STARD9: variants seen among roughly 807,000 people sequenced by gnomAD.
STARD9 encodes StAR related lipid transfer domain containing 9.
In STARD9, 346 loss-of-function variants were observed where a neutral mutation model predicts 399.8. The observed-to-expected ratio is 0.87, with a 90% CI of 0.79 to 0.95. The LOEUF (loss-of-function observed/expected upper bound fraction) is 0.95, where lower values mean the gene tolerates loss of function less well. Ranked by LOEUF, STARD9 falls within the 40% of genes least tolerant of loss-of-function variation. The pLI is 0.00. For missense variants in STARD9, 5,832 were observed against 5,667.5 expected, an observed-to-expected ratio of 1.03 and a Z score of -0.93; for synonymous variants, 2,203 against 2,143.5, an observed-to-expected ratio of 1.03 and a Z score of -0.77.
At chr15:42,654,086 A>G (rs2059817293) in intron 9 of STARD9, among the ~76,000 whole-genome samples, 3 of 152,220 alleles carry the variant, frequency 2.0e-5, no homozygotes, top group Non-Finnish European at 4.4e-5. Flanking sequence ...TTAAAAATCA[A>G]CATTTCTTCT....
At chr15:42,612,678 AGC>A (rs2058874618) in intron 3 of STARD9, among the ~76,000 whole-genome samples, 1 of 152,216 alleles carries the variant, frequency 6.6e-6, no homozygotes, top group Admixed American at 6.5e-5. Flanking sequence ...AGCAAAAAGA[AGC>A]ACTGACAGAA....
chr15:42,687,706 A>G lies in STARD9; in HGVS notation c.6128A>G (p.Asn2043Ser). 6.5e-7 allele frequency: 1 copy of G among 1,537,444 alleles called. No homozygotes were observed. Among genetic ancestry groups the G allele is most frequent in the Non-Finnish European group, 8.7e-7 (1 of 1,146,932 alleles). Residue 2043 changes from asparagine to serine, a missense_variant, in exon 23 of 33, where the codon AAT becomes AGT. Around this residue, in one of 2 missense-constraint regions of STARD9, gnomAD observed 5,828 missense variants for 5,651.1 expected, o/e 1.03. Transcript: ENST00000290607. ...AAGAAACAGAATAAAAGAGTTAATA[A>G]TACTGATGAAATGGCTAGGCTAATT... ...SGKKQNKRVNNTDEMARLIRS... is the reference protein window; with the variant it reads ...SGKKQNKRVNSTDEMARLIRS...
At chr15:42,674,260 G>T (rs959956761) in intron 16 of STARD9, among the ~76,000 whole-genome samples, 180 bp from the exon 17 acceptor site, 1 of 152,154 alleles carries the variant, frequency 6.6e-6, no homozygotes, top group African/African-American at 2.4e-5. Flanking sequence ...GAGTGAGTGG[G>T]CAGAGGGTCA....
chr15:42,621,844 C>G (rs1029412643), intron 3 of STARD9, among the ~76,000 whole-genome samples: 2 of 152,202 alleles, frequency 1.3e-5, no homozygotes, highest in African/African-American at 4.8e-5. Flanking sequence ...AAACCAAGTT[C>G]TGGGTGCTAG....
At chr15:42,696,625 G>T (rs567215039) in intron 26 of STARD9, among the ~76,000 whole-genome samples, 3 of 152,334 alleles carry the variant, frequency 2.0e-5, no homozygotes, top group African/African-American at 7.2e-5. Flanking sequence ...GGCAGGAGCA[G>T]CTGTGGGAGA....
intron 1 of STARD9, among the ~76,000 whole-genome samples, chr15:42,580,611 C>T (rs1419855795): frequency 2.0e-5 from 3 of 151,996 alleles, no homozygotes; most frequent in Non-Finnish European, 4.4e-5. Context: ...GTCAAGAGTT[C>T]GAGACCAGCC....
intron 26 of STARD9, 130 bp downstream of exon 26, chr15:42,696,010 C>T: frequency 1.1e-6 from 1 of 924,522 alleles, no homozygotes. Context: ...GACATGAGCC[C>T]TTCTTATGTG....
At chr15:42,576,301 G>A (rs1027209003) in intron 1 of STARD9, among the ~76,000 whole-genome samples, 66 of 152,308 alleles carry the variant, frequency 4.3e-4, no homozygotes, top group African/African-American at 1.5e-3. Context: ...GTTAAGTAGG[G>A]GAAGTTGTTC....
At chr15:42,622,463 GCTCAAGTGATC>G (rs759380866) in intron 3 of STARD9, among the ~76,000 whole-genome samples, 16 of 151,970 alleles carry the variant, frequency 1.1e-4, no homozygotes, top group Admixed American at 4.6e-4. Flanking sequence ...GAACTCCTGG[GCTCAAGTGATC>G]CTCCCACCTC....
chr15:42,598,000 A>ATGTGTGTGTGTGTG (rs572054615), intron 3 of STARD9, among the ~76,000 whole-genome samples: 50 of 115,180 alleles, frequency 4.3e-4, no homozygotes, highest in South Asian at 1.9e-3. Flanking sequence ...GTATATATAT[A>ATGTGTGTGTGTGTG]TGTGTGTGTG....
chr15:42,686,722 T>C lies in STARD9; in HGVS notation c.5144T>C (p.Val1715Ala), dbSNP rs2060567643. ...GAAGCAGTTAGAAGACACATAAATG[T>C]TTCCTTTGCCCTTCCTTCAGGTCCA... ...SKEAVRRHIN[V>A]SFALPSGPEL... The change falls in exon 23 of 33, where the codon GTT becomes GCT. Residue 1715 changes from valine to alanine, a missense_variant. By Grantham distance (64) the Val-to-Ala change is moderately conservative. Around this residue, in one of 2 missense-constraint regions of STARD9, gnomAD observed 5,828 missense variants for 5,651.1 expected, o/e 1.03. Coordinates refer to ENST00000290607, the MANE Select transcript of STARD9 (RefSeq NM_020759.3). 2.0e-6 allele frequency: 3 copies of C among 1,537,642 alleles called. No homozygotes were observed. Among genetic ancestry groups the C allele is most frequent in the Non-Finnish European group, 2.6e-6 (3 of 1,146,996 alleles).
At chr15:42,696,448 G>C (rs2140314444) in intron 26 of STARD9, among the ~76,000 whole-genome samples, 1 of 152,284 alleles carries the variant, frequency 6.6e-6, no homozygotes, top group East Asian at 1.9e-4. Flanking sequence ...AGAGCGAGAT[G>C]GGAAAATGAC....
In STARD9 at chr15:42,719,634, T is replaced by C; in HGVS notation, c.*60T>C. On this transcript the variant is annotated 3_prime_UTR_variant, in exon 33 of 33. Coordinates refer to ENST00000290607, the MANE Select transcript of STARD9 (RefSeq NM_020759.3). The stretch of plus-strand genomic sequence containing the variant: ...GGCCCAGGCTGCTCAAGAGAGACAC[T>C]GTGGCAGCTCCTTGTTACTTTCCAT... 9.1e-7 allele frequency: 1 copy of C among 1,095,084 alleles called. No individual in the cohort carries two copies. The highest frequency in any genetic ancestry group is 1.3e-6 in the Non-Finnish European group (1 of 752,604). 67.8% of individuals were successfully genotyped at this position (1,095,084 alleles called of 1,614,324 possible). A position where few individuals can be genotyped will look rare whatever the true frequency, so the allele number is the denominator to read the frequency against.
At chr15:42,628,466 G>A (rs754791130) in intron 3 of STARD9, among the ~76,000 whole-genome samples, 1 of 152,096 alleles carries the variant, frequency 6.6e-6, no homozygotes, top group Non-Finnish European at 1.5e-5. Context: ...TGCTTTAGTT[G>A]CCTGTGTTTC....
At position 42,665,334 on chromosome 15, in the gene STARD9, T is replaced by G. The variant is rs8024902; in HGVS notation, c.1254+4T>G. 0.21 allele frequency: 315,190 copies of G among 1,533,950 alleles called. 36,186 individuals are homozygous for G. Among genetic ancestry groups the G allele is most frequent in the African/African-American group, 0.38 (27,809 of 73,038 alleles). On this transcript the variant is annotated splice_donor_region_variant and intron_variant, in intron 14 of 32. Transcript: ENST00000290607. Reference sequence around the variant, plus strand: ...CCTGCTGCTGAGCTTTGAACTGGTATGCAGACAGTCAGAACCTTTCCGTAC... The same window carrying G: ...CCTGCTGCTGAGCTTTGAACTGGTAGGCAGACAGTCAGAACCTTTCCGTAC...
At chr15:42,590,299 A>G (rs1336283062) in intron 3 of STARD9, among the ~76,000 whole-genome samples, 1 of 152,168 alleles carries the variant, frequency 6.6e-6, no homozygotes, top group Non-Finnish European at 1.5e-5. Flanking sequence ...GCTCTCCCAG[A>G]AGGAATCTCA....
At chr15:42,709,136 C>A (rs74477058) in intron 26 of STARD9, among the ~76,000 whole-genome samples, 540 of 152,120 alleles carry the variant, frequency 3.5e-3, no homozygotes, top group African/African-American at 0.012. Flanking sequence ...TGGCTGACGC[C>A]TGTAATCCCA....
Position 42,591,487 on chromosome 15 carries a change from T to TA in STARD9, c.234+5866dup, listed in dbSNP as rs58884115. 6.7e-3 allele frequency among the ~76,000 whole-genome samples: 905 copies of TA among 135,964 alleles called. 4 individuals carry two copies. Among genetic ancestry groups the TA allele is most frequent in the African/African-American group, 0.01 (374 of 37,050 alleles). 89.2% of individuals were successfully genotyped at this position (135,964 alleles called of 152,430 possible). A position where few individuals can be genotyped will look rare whatever the true frequency, so the allele number is the denominator to read the frequency against. On this transcript the variant is annotated intron_variant, in intron 3 of 32. Transcript: ENST00000290607. ...AGGGCAACAGAGCAAGAGTCCATCT[T>TA]AAAAAAAAAAAAAAAATGTCTGGAC... is the stretch of plus-strand genomic sequence containing the variant.
At chr15:42,625,285 C>A (rs576584647) in intron 3 of STARD9, among the ~76,000 whole-genome samples, 1 of 151,978 alleles carries the variant, frequency 6.6e-6, no homozygotes, top group African/African-American at 2.4e-5. Flanking sequence ...CCTCAGCCCC[C>A]CAAAGTGCTG....
Sources: allele counts gnomAD v4.1 joint callset (sites outside exome capture counted in the v4.1 genomes callset), GRCh38; gene constraint gnomAD v4.1.1; regional missense constraint gnomAD v4.1.1; transcripts MANE v1.5; gene names NCBI Gene and HGNC (gene_info 2026-07-23, HGNC 2026-07-21).